ATP11B: variants seen among roughly 807,000 people sequenced by gnomAD.
ATP11B encodes the protein phospholipid-transporting ATPase IF.
Under a neutral mutation model 157.8 loss-of-function variants are expected in ATP11B, and 81 were observed. That is an observed-to-expected ratio of 0.51 (90% CI 0.43 to 0.62). The LOEUF is 0.62. ATP11B is among the 20% of genes least tolerant of loss of function. ATP11B has a pLI of 0.00. For missense variants in ATP11B, 1,165 were observed against 1,402.2 expected (o/e 0.83, Z 2.70); for synonymous variants, 451 against 469.4 (o/e 0.96, Z 0.51).
chr3:182,830,070 T>C, intron 4 of ATP11B: 1 of 495,896 alleles, frequency 2.0e-6, no homozygotes, highest in East Asian at 1.5e-4. Context: ...TTTGTAGAGT[T>C]TGGTGATATT....
intron 22 of ATP11B, among the ~76,000 whole-genome samples, 199 bp from the exon 23 acceptor site, chr3:182,885,752 G>A (rs746630145): frequency 1.3e-5 from 2 of 152,022 alleles, no homozygotes; most frequent in Non-Finnish European, 2.9e-5. Context: ...TGTCTGCACT[G>A]TTGCTTAGAA....
chr3:182,890,323 A>G (rs1255793358), intron 25 of ATP11B, among the ~76,000 whole-genome samples: 1 of 152,170 alleles, frequency 6.6e-6, no homozygotes, highest in Non-Finnish European at 1.5e-5. Flanking sequence ...TCACTTAAGT[A>G]TTGCAAAATA....
At chr3:182,797,234 T>C (rs1715675008) in intron 1 of ATP11B, among the ~76,000 whole-genome samples, 1 of 152,212 alleles carries the variant, frequency 6.6e-6, no homozygotes, top group Non-Finnish European at 1.5e-5. Flanking sequence ...TCTTAACTTG[T>C]GAACATGTTC....
At chr3:182,842,046 A>G (rs759672411) in intron 7 of ATP11B, 29 bp from the exon 8 acceptor site, 7 of 1,459,680 alleles carry the variant, frequency 4.8e-6, no homozygotes, top group South Asian at 3.5e-5. Flanking sequence ...GTGATATTAT[A>G]TGTTTTTGTA....
In ATP11B at chr3:182,872,408, A is replaced by G; in HGVS notation, c.1919A>G (p.Tyr640Cys). The G allele has an allele frequency of 1.2e-6, 2 of 1,613,932 alleles. No individual in the cohort carries two copies. Among genetic ancestry groups the G allele is most frequent in the Non-Finnish European group, 1.7e-6 (2 of 1,179,830 alleles). Reference protein sequence around the residue: ...IAYRKFTSKEYEEIDKRIFEA... With the variant: ...IAYRKFTSKECEEIDKRIFEA... ...TATAGAAAATTTACATCAAAAGAGTATGAGGAAATAGATAAACGCATATTT... is the reference window on the plus strand; with the variant it reads ...TATAGAAAATTTACATCAAAAGAGTGTGAGGAAATAGATAAACGCATATTT... The change falls in exon 18 of 30, where the codon TAT becomes TGT. Residue 640 changes from tyrosine to cysteine, a missense_variant. Around this residue, in one of 4 missense-constraint regions of ATP11B, gnomAD observed 737 missense variants for 930.5 expected, o/e 0.79. Transcript: ENST00000323116.
At position 182,873,822 on chromosome 3, in the gene ATP11B, A is replaced by G. The variant is rs1721839402; in HGVS notation, c.2059A>G (p.Lys687Glu). 1 of 1,613,836 alleles carries G rather than the reference A, an allele frequency of 6.2e-7. No homozygotes were observed. The highest frequency in any genetic ancestry group is 1.3e-5 in the African/African-American group (1 of 74,936). The change falls in exon 19 of 30, where the codon AAA (lysine) becomes GAA (glutamate). Residue 687 changes from lysine (K) to glutamate (E), a missense_variant. This residue lies in a region of ATP11B where 737 missense variants were observed against 930.5 expected (regional missense o/e 0.79). Coordinates refer to ENST00000323116, the MANE Select transcript of ATP11B (RefSeq NM_014616.3). ...ATAVEDRLQD[K>E]VRETIEALRM... ...TTCTGTTCTTTTCAGACTACAAGAT[A>G]AAGTTCGAGAAACTATTGAAGCATT...
intron 23 of ATP11B, among the ~76,000 whole-genome samples, chr3:182,886,737 A>C (rs1722816747): frequency 6.6e-6 from 1 of 152,140 alleles, no homozygotes; most frequent in Non-Finnish European, 1.5e-5. Flanking sequence ...ATACCATACT[A>C]TACATCTCAA....
At chr3:182,903,905 TATC>T (rs1169904668) in intron 28 of ATP11B, among the ~76,000 whole-genome samples, 1 of 152,264 alleles carries the variant, frequency 6.6e-6, no homozygotes, top group Admixed American at 6.5e-5. Context: ...TATTTTCATA[TATC>T]ATACTGGCTT....
In ATP11B at chr3:182,897,481, A is replaced by G; in HGVS notation, c.3152+75A>G. 5 of 1,064,352 alleles carry G rather than the reference A, an allele frequency of 4.7e-6. No homozygotes were observed. In the South Asian group the frequency reaches 7.7e-5, roughly 16 times the overall value. The allele number at this position is 1,064,352 out of a possible 1,614,324, so 65.9% of individuals were successfully genotyped here. A position where few individuals can be genotyped will look rare whatever the true frequency, so the allele number is the denominator to read the frequency against. ...ATTTATTGTGATAGGTTACATTATG[A>G]ACATATTCTGCTCATAACAGATTTC... On this transcript the variant is annotated intron_variant, in intron 27 of 29. Transcript: ENST00000323116.
intron 4 of ATP11B, among the ~76,000 whole-genome samples, chr3:182,834,981 A>G (rs191593644): frequency 1.3e-5 from 2 of 152,326 alleles, no homozygotes; most frequent in African/African-American, 4.8e-5. Context: ...AGAAAAGAAC[A>G]TGTTTTTAAG....
At chr3:182,853,560 AT>A (rs1196686828) in intron 10 of ATP11B, among the ~76,000 whole-genome samples, 5 of 152,188 alleles carry the variant, frequency 3.3e-5, no homozygotes, top group African/African-American at 1.2e-4. Context: ...AAAAGGTTAT[AT>A]TTACAGTAGT....
chr3:182,899,886 G>T (rs1345802533), intron 28 of ATP11B, among the ~76,000 whole-genome samples: 1 of 46,760 alleles, frequency 2.1e-5, no homozygotes, highest in Non-Finnish European at 3.3e-5. Flanking sequence ...TAACTCTATC[G>T]TATTGGATAA....
intron 21 of ATP11B, among the ~76,000 whole-genome samples, chr3:182,881,737 T>C (rs1320915790): frequency 2.0e-5 from 3 of 152,194 alleles, no homozygotes; most frequent in Non-Finnish European, 4.4e-5. Flanking sequence ...TGTTATTTTA[T>C]CCTTTTTAAA....
intron 21 of ATP11B, among the ~76,000 whole-genome samples, chr3:182,882,379 A>G (rs1722487456): frequency 6.6e-6 from 1 of 152,184 alleles, no homozygotes; most frequent in African/African-American, 2.4e-5. Context: ...TAATGATAAC[A>G]GGCAGACCAG....
chr3:182,840,935 C>T (rs545932266), intron 7 of ATP11B, among the ~76,000 whole-genome samples: 1 of 152,286 alleles, frequency 6.6e-6, no homozygotes, highest in Admixed American at 6.5e-5. Context: ...CTCACCATGT[C>T]ACTCAGAGTC....
intron 1 of ATP11B, among the ~76,000 whole-genome samples, chr3:182,809,071 C>A (rs1256393794): frequency 6.6e-6 from 1 of 151,566 alleles, no homozygotes; most frequent in Non-Finnish European, 1.5e-5. Flanking sequence ...AAAGTTTTAC[C>A]GATCTGTGAA....
intron 8 of ATP11B, 30 bp from the exon 9 acceptor site, chr3:182,845,428 T>A (rs780602611): frequency 8.7e-5 from 137 of 1,566,982 alleles, no homozygotes; most frequent in Non-Finnish European, 1.2e-4. Flanking sequence ...ATATATTCAG[T>A]GCTTTATGGT....
intron 4 of ATP11B, among the ~76,000 whole-genome samples, chr3:182,830,564 T>C (rs959486637): frequency 2.0e-5 from 3 of 152,224 alleles, no homozygotes; most frequent in African/African-American, 4.8e-5. Flanking sequence ...GTTTCAGTTA[T>C]ACAGAGATGA....
chr3:182,799,078 T>A (rs1440327352), intron 1 of ATP11B, among the ~76,000 whole-genome samples: 1 of 152,226 alleles, frequency 6.6e-6, no homozygotes, highest in East Asian at 1.9e-4. Context: ...CCCAGGCTTT[T>A]TTTCTGTGAG....
Sources: gnomAD v4.1 joint callset for allele counts (sites outside exome capture counted in the v4.1 genomes callset) on GRCh38, gnomAD v4.1.1 for gene constraint, gnomAD v4.1.1 regional missense constraint, MANE v1.5 for transcripts, NCBI Gene and HGNC (gene_info 2026-07-23, HGNC 2026-07-21) for gene names.